DCC: variants seen among roughly 807,000 people sequenced by gnomAD.
DCC encodes netrin receptor DCC.
In DCC, 58 loss-of-function variants were observed where a neutral mutation model predicts 172.5. The observed-to-expected ratio is 0.34, with a 90% CI of 0.27 to 0.42. The LOEUF (loss-of-function observed/expected upper bound fraction) is 0.42. Ranked by LOEUF, DCC falls within the 10% of genes least tolerant of loss-of-function variation. The pLI is 1.00. For missense variants in DCC, 1,740 were observed against 1,791.0 expected, an observed-to-expected ratio of 0.97 and a Z score of 0.51; for synonymous variants, 709 against 644.5, an observed-to-expected ratio of 1.10 and a Z score of -1.52.
intron 9 of DCC, among the ~76,000 whole-genome samples, chr18:53,189,687 C>CAAGG (rs765962391): frequency 2.6e-5 from 4 of 152,174 alleles, no homozygotes; most frequent in Non-Finnish European, 4.4e-5. Flanking sequence ...AATTCTAACC[C>CAAGG]TGCCTTGTAA....
At chr18:53,155,808 T>C (rs2054722266) in intron 7 of DCC, among the ~76,000 whole-genome samples, 1 of 152,202 alleles carries the variant, frequency 6.6e-6, no homozygotes, top group Non-Finnish European at 1.5e-5. Flanking sequence ...AGGTGGATCA[T>C]CTGAGGTCAG....
intron 9 of DCC, among the ~76,000 whole-genome samples, chr18:53,190,633 T>C (rs1468373521): frequency 6.6e-6 from 1 of 152,144 alleles, no homozygotes; most frequent in African/African-American, 2.4e-5. Flanking sequence ...TCAGAAAACA[T>C]AGCAGTGACA....
chr18:53,261,213 C>T (rs1482119042), intron 12 of DCC, among the ~76,000 whole-genome samples: 1 of 152,204 alleles, frequency 6.6e-6, no homozygotes, highest in African/African-American at 2.4e-5. Context: ...CACTGTCCTG[C>T]ACCCACTGCC....
At chr18:52,442,727 G>T (rs1426454266) in intron 1 of DCC, among the ~76,000 whole-genome samples, 1 of 152,184 alleles carries the variant, frequency 6.6e-6, no homozygotes, top group African/African-American at 2.4e-5. Context: ...ATTTTAATAA[G>T]GCTGCAGAAC....
At chr18:53,103,041 T>C (rs757571103) in intron 7 of DCC, among the ~76,000 whole-genome samples, 1 of 152,100 alleles carries the variant, frequency 6.6e-6, no homozygotes, top group Non-Finnish European at 1.5e-5. Flanking sequence ...GTTTTGAAAA[T>C]TGTCTTGTTA....
intron 1 of DCC, among the ~76,000 whole-genome samples, chr18:52,349,196 G>A (rs1221968698): frequency 6.6e-6 from 1 of 152,060 alleles, no homozygotes; most frequent in Non-Finnish European, 1.5e-5. Flanking sequence ...CCCAATTTTT[G>A]TTTGGGTTTA....
At chr18:52,753,113 C>T (rs1470285073) in intron 2 of DCC, among the ~76,000 whole-genome samples, 1 of 152,086 alleles carries the variant, frequency 6.6e-6, no homozygotes. Flanking sequence ...TATATACCCT[C>T]ATTTCAATTC....
intron 27 of DCC, among the ~76,000 whole-genome samples, chr18:53,511,092 A>G (rs968703763): frequency 6.6e-6 from 1 of 152,328 alleles, no homozygotes. Flanking sequence ...TAAAAGTTCT[A>G]TTTTAAAGAA....
chr18:52,485,009 A>G (rs766613160), intron 1 of DCC, among the ~76,000 whole-genome samples: 20 of 152,082 alleles, frequency 1.3e-4, no homozygotes, highest in Non-Finnish European at 4.4e-5. Context: ...TTCTGTCTCT[A>G]AATTCTGTGA....
chr18:53,330,651 C>T (rs2057520398), intron 14 of DCC, among the ~76,000 whole-genome samples: 1 of 152,198 alleles, frequency 6.6e-6, no homozygotes, highest in African/African-American at 2.4e-5. Context: ...GACATCCCAT[C>T]CTGCCTGCCT....
At chr18:53,459,826 C>A (rs1432738203) in intron 24 of DCC, among the ~76,000 whole-genome samples, 1 of 151,994 alleles carries the variant, frequency 6.6e-6, no homozygotes, top group African/African-American at 2.4e-5. Flanking sequence ...GTACATTTTC[C>A]AGTTCCTTAT....
chr18:52,527,109 T>C, intron 1 of DCC, among the ~76,000 whole-genome samples: 1 of 152,210 alleles, frequency 6.6e-6, no homozygotes, highest in South Asian at 2.1e-4. Flanking sequence ...GTTCCATCTA[T>C]CTGGATTAAC....
rs771857426 is a variant in DCC at position 52,906,244 on chromosome 18, G to C, written c.613G>C (p.Gly205Arg). Residue 205 changes from glycine to arginine, a missense_variant, in exon 3 of 29, where the codon GGG becomes CGG. Physicochemically the swap from Gly to Arg is moderately radical, Grantham distance 125 (BLOSUM62 -2). Transcript: ENST00000442544. ...GALQISRLQP[G>R]DIGIYRCSAR... ...ATTGCAGATCAGCCGACTCCAACCG[G>C]GGGACATTGGAATTTACCGATGCTC... The C allele has an allele frequency of 6.2e-7, 1 of 1,613,978 alleles. No individual in the cohort carries two copies. Among genetic ancestry groups the C allele is most frequent in the East Asian group, 2.2e-5 (1 of 44,848 alleles).
At chr18:52,573,166 G>T (rs1177631833) in intron 1 of DCC, among the ~76,000 whole-genome samples, 1 of 151,856 alleles carries the variant, frequency 6.6e-6, no homozygotes, top group Non-Finnish European at 1.5e-5. Flanking sequence ...TAATAAAAAT[G>T]TAATAAATCT....
chr18:53,161,467 C>T (rs964986058), intron 8 of DCC, among the ~76,000 whole-genome samples: 1 of 152,202 alleles, frequency 6.6e-6, no homozygotes, highest in African/African-American at 2.4e-5. Flanking sequence ...TGCTTCAGGA[C>T]TCAAGCCTTT....
At chr18:53,387,603 TA>T (rs1908251100) in intron 16 of DCC, among the ~76,000 whole-genome samples, 1 of 152,196 alleles carries the variant, frequency 6.6e-6, no homozygotes, top group African/African-American at 2.4e-5. Flanking sequence ...GGTTACAAAC[TA>T]AGAGCTAACA....
chr18:53,199,839 C>A (rs2055508299), intron 9 of DCC, among the ~76,000 whole-genome samples: 1 of 151,984 alleles, frequency 6.6e-6, no homozygotes, highest in African/African-American at 2.4e-5. Context: ...TTTTGATATT[C>A]ATATTTATTC....
chr18:52,598,221 C>T (rs2033945631), intron 1 of DCC, among the ~76,000 whole-genome samples: 1 of 152,044 alleles, frequency 6.6e-6, no homozygotes, highest in Non-Finnish European at 1.5e-5. Flanking sequence ...AAACAATTTA[C>T]CATTTGCAAA....
chr18:52,966,642 T>C (rs922672334), intron 5 of DCC, among the ~76,000 whole-genome samples: 4 of 152,154 alleles, frequency 2.6e-5, no homozygotes, highest in African/African-American at 4.8e-5. Flanking sequence ...CATTCTGTAT[T>C]GGTCTGTACC....
Sources: allele counts gnomAD v4.1 joint callset (sites outside exome capture counted in the v4.1 genomes callset), GRCh38; gene constraint gnomAD v4.1.1; transcripts MANE v1.5; gene names NCBI Gene and HGNC (gene_info 2026-07-23, HGNC 2026-07-21).